GSK3B: variants seen among roughly 807,000 people sequenced by gnomAD.
The protein encoded by GSK3B is glycogen synthase kinase 3 beta.
A neutral mutation model predicts 56.4 loss-of-function variants in GSK3B; 15 were observed. The ratio of observed to expected loss-of-function variants is 0.27; its 90% CI spans 0.18 to 0.41. The LOEUF (loss-of-function observed/expected upper bound fraction) is 0.41, where lower values mean the gene tolerates loss of function less well. Among genes scored for constraint, GSK3B ranks in the 10% least tolerant of loss-of-function variants. The probability of loss-of-function intolerance (pLI) is 1.00; values close to 1 mark genes in which losing one functional copy is unlikely to be tolerated. For missense variants in GSK3B, 300 were observed against 513.4 expected, an observed-to-expected ratio of 0.58 and a Z score of 4.02; for synonymous variants, 181 against 188.9, an observed-to-expected ratio of 0.96 and a Z score of 0.34.
chr3:119,919,633 TTTA>T (rs1257903028), intron 4 of GSK3B, among the ~76,000 whole-genome samples: 1 of 152,048 alleles, frequency 6.6e-6, no homozygotes. Flanking sequence ...GTACAATAAT[TTTA>T]TTTTCTTTTT....
intron 7 of GSK3B, among the ~76,000 whole-genome samples, chr3:119,900,692 G>C (rs1371432136): frequency 6.6e-6 from 1 of 152,016 alleles, no homozygotes; most frequent in Non-Finnish European, 1.5e-5. Context: ...ACACAATGCT[G>C]TATCACTTTA....
At chr3:119,954,315 G>GAAAAGA (rs879721657) in intron 2 of GSK3B, among the ~76,000 whole-genome samples, 101 of 128,848 alleles carry the variant, frequency 7.8e-4, no homozygotes, top group African/African-American at 1.9e-3. Context: ...AAAAGAAACA[G>GAAAAGA]AACAGAACAG....
intron 1 of GSK3B, among the ~76,000 whole-genome samples, chr3:120,081,320 G>A (rs796518956): frequency 9.2e-5 from 14 of 151,634 alleles, no homozygotes; most frequent in African/African-American, 2.2e-4. Flanking sequence ...TTTGGGAGGC[G>A]GGCGGATCAC....
chr3:119,976,765 CAAAAAAA>C (rs563133631), intron 2 of GSK3B, among the ~76,000 whole-genome samples: 2 of 83,094 alleles, frequency 2.4e-5, no homozygotes, highest in Admixed American at 1.3e-4. Flanking sequence ...CCACTCCCCA[CAAAAAAA>C]AAAAAAAAAA....
rs143648840 is a variant in GSK3B at position 119,902,714 on chromosome 3, T to G, written c.813+3041A>C. ...GCTTGGCTGTGATATTTATTATTTA[T>G]TATTTTATTGATGGACTCGTTGACA... On this transcript the variant is annotated intron_variant, in intron 7 of 10. Transcript: ENST00000264235. Among the ~76,000 whole-genome samples, 51 of 151,948 alleles carry G rather than the reference T, an allele frequency of 3.4e-4. No homozygotes were observed. The East Asian group carries it at 5.8e-3, about 17-fold the overall frequency.
At chr3:119,896,816 C>T (rs1177884859) in intron 7 of GSK3B, among the ~76,000 whole-genome samples, 3 of 152,146 alleles carry the variant, frequency 2.0e-5, no homozygotes, top group Admixed American at 1.3e-4. Context: ...TCCCATCTCT[C>T]ACCTGCCCCT....
At position 120,021,308 on chromosome 3, in the gene GSK3B, A is replaced by T. The variant is rs2057874931; in HGVS notation, c.89-19069T>A. Among the ~76,000 whole-genome samples, 3 of 151,414 alleles carry T rather than the reference A, an allele frequency of 2.0e-5. No individual in the cohort carries two copies. In the South Asian group the frequency reaches 6.3e-4, roughly 32 times the overall value. ...ATCACGAGATCAGGAGTTCAAGACCAGCCTGGCCAAGATGGTGAAACCCCG... is the reference window on the plus strand; with the variant it reads ...ATCACGAGATCAGGAGTTCAAGACCTGCCTGGCCAAGATGGTGAAACCCCG... On this transcript the variant is annotated intron_variant, in intron 1 of 10. Transcript: ENST00000264235.
At chr3:119,939,970 A>T (rs2057031696) in intron 3 of GSK3B, among the ~76,000 whole-genome samples, 1 of 152,060 alleles carries the variant, frequency 6.6e-6, no homozygotes, top group Admixed American at 6.6e-5. Flanking sequence ...TATGAAAGTA[A>T]AGAAAAATGG....
chr3:120,001,226 A>G (rs2057673733), intron 2 of GSK3B, among the ~76,000 whole-genome samples: 1 of 151,682 alleles, frequency 6.6e-6, no homozygotes, highest in Non-Finnish European at 1.5e-5. Context: ...TTCACAGGAG[A>G]TCTGGTTATT....
At chr3:120,065,713 T>C (rs1227305239) in intron 1 of GSK3B, among the ~76,000 whole-genome samples, 2 of 152,134 alleles carry the variant, frequency 1.3e-5, no homozygotes, top group Non-Finnish European at 2.9e-5. Context: ...AATGAAAATG[T>C]CCATCAACTG....
Position 119,896,031 on chromosome 3 carries a change from G to A in GSK3B, c.813+9724C>T, listed in dbSNP as rs1415751929. Among the ~76,000 whole-genome samples, 11 of 151,918 alleles carry A rather than the reference G, an allele frequency of 7.2e-5. 1 individual carries two copies. The South Asian group carries it at 2.3e-3, about 32-fold the overall frequency. On this transcript the variant is annotated intron_variant, in intron 7 of 10. Transcript: ENST00000264235. ...TAGTCCCAGATACTCAGGAGGCTAAGGTGGGAGGACAGCTTGAGCCAAGAA... is the reference window on the plus strand; with the variant it reads ...TAGTCCCAGATACTCAGGAGGCTAAAGTGGGAGGACAGCTTGAGCCAAGAA...
intron 10 of GSK3B, among the ~76,000 whole-genome samples, chr3:119,827,153 G>C (rs986230978): frequency 6.6e-6 from 1 of 152,204 alleles, no homozygotes; most frequent in African/African-American, 2.4e-5. Context: ...AGCTGTATAT[G>C]AACACTCAGC....
chr3:119,969,956 C>T (rs2057350985), intron 2 of GSK3B, among the ~76,000 whole-genome samples: 2 of 152,194 alleles, frequency 1.3e-5, no homozygotes, highest in Admixed American at 6.5e-5. Context: ...CTTTGTCTAG[C>T]TTGTCCATAC....
intron 1 of GSK3B, among the ~76,000 whole-genome samples, chr3:120,022,512 T>C (rs2057888254): frequency 6.6e-6 from 1 of 152,176 alleles, no homozygotes; most frequent in Non-Finnish European, 1.5e-5. Flanking sequence ...ATTTGCCTTA[T>C]CTTCCTCCCT....
At chr3:120,042,174 C>G (rs898991945) in intron 1 of GSK3B, among the ~76,000 whole-genome samples, 1 of 152,190 alleles carries the variant, frequency 6.6e-6, no homozygotes, top group East Asian at 1.9e-4. Context: ...ATAAGCCAAA[C>G]AGGCTGCCAT....
At chr3:120,011,899 T>C (rs2057781547) in intron 1 of GSK3B, among the ~76,000 whole-genome samples, 2 of 152,204 alleles carry the variant, frequency 1.3e-5, no homozygotes. Context: ...GTAGCAGAAC[T>C]CATCGCATGC....
At chr3:119,952,333 C>T (rs1280078974) in intron 2 of GSK3B, among the ~76,000 whole-genome samples, 1 of 151,316 alleles carries the variant, frequency 6.6e-6, no homozygotes, top group African/African-American at 2.4e-5. Context: ...ACTAAAAATA[C>T]AAAAATTAGC....
intron 2 of GSK3B, among the ~76,000 whole-genome samples, chr3:119,951,032 T>C (rs919108356): frequency 5.9e-5 from 9 of 152,108 alleles, no homozygotes; most frequent in East Asian, 1.9e-4. Flanking sequence ...AAAATGAGAA[T>C]GTAGTCCCAG....
Position 120,093,510 on chromosome 3 carries a change from T to C in GSK3B, c.-76A>G. On this transcript the variant is annotated 5_prime_UTR_variant, in exon 1 of 11. Coordinates refer to ENST00000264235, the MANE Select transcript of GSK3B (RefSeq NM_001146156.2). ...TTTGTCTTTATGTTGGGGTGTTAGG[T>C]TAACGATAAATGCAGCATTAAGTTC... 1 of 951,864 alleles carries C rather than the reference T, an allele frequency of 1.1e-6. No individual in the cohort carries two copies. Among genetic ancestry groups the C allele is most frequent in the Non-Finnish European group, 1.7e-6 (1 of 587,416 alleles). The allele number at this position is 951,864 out of a possible 1,614,324, so 59.0% of individuals were successfully genotyped here.
Sources: gnomAD v4.1 joint callset for allele counts (sites outside exome capture counted in the v4.1 genomes callset) on GRCh38, gnomAD v4.1.1 for gene constraint, MANE v1.5 for transcripts, NCBI Gene and HGNC (gene_info 2026-07-23, HGNC 2026-07-21) for gene names.